Variants in RIT2 observed in about 807,000 individuals in gnomAD.
RIT2 encodes the protein GTP-binding protein Rit2.
Under a neutral mutation model 23.7 loss-of-function variants are expected in RIT2, and 24 were observed. That is an observed-to-expected ratio of 1.01 (90% CI 0.73 to 1.43). The LOEUF (loss-of-function observed/expected upper bound fraction) is 1.43, where lower values mean the gene tolerates loss of function less well. Among genes scored for constraint, RIT2 ranks in the 40% most tolerant of loss-of-function variants. RIT2 has a pLI of 0.00. For synonymous variants in RIT2, 107 were observed against 91.1 expected (o/e 1.17, Z -0.99); for missense variants, 236 against 266.9 (o/e 0.88, Z 0.81).
intron 1 of RIT2, among the ~76,000 whole-genome samples, chr18:43,065,195 C>G (rs1912741318): frequency 6.9e-6 from 1 of 144,812 alleles, no homozygotes; most frequent in South Asian, 2.2e-4. Flanking sequence ...AAGCTCTGTT[C>G]AGCTTCACTT....
Position 43,033,856 on chromosome 18 carries a change from G to T in RIT2, c.115C>A (p.Gln39Lys), listed in dbSNP as rs770344980. The T allele has an allele frequency of 3.7e-6, 6 of 1,604,344 alleles. No individual in the cohort carries two copies. Among genetic ancestry groups the T allele is most frequent in the Middle Eastern group, 1.7e-4 (1 of 6,032 alleles). The change falls in exon 2 of 5, where the codon CAG (glutamine) becomes AAG (lysine). Residue 39 changes from glutamine to lysine, a missense_variant. Gln to Lys is a moderately conservative substitution (Grantham distance 53). Coordinates refer to ENST00000326695, the MANE Select transcript of RIT2 (RefSeq NM_002930.4). ...TCAGGGAACTGATGACTAATAAACT[G>T]CATTGTCATTGCTGAAAGAAAAAAA... Reference protein sequence around the residue: ...GGVGKSAMTMQFISHQFPDYH... With the variant: ...GGVGKSAMTMKFISHQFPDYH...
intron 4 of RIT2, chr18:42,920,755 T>G: frequency 6.3e-7 from 1 of 1,593,902 alleles, no homozygotes; most frequent in East Asian, 2.2e-5. Flanking sequence ...ACTCTTTCAG[T>G]GTAGGCTGAT....
intron 2 of RIT2, among the ~76,000 whole-genome samples, chr18:42,988,521 C>T (rs1420522959): frequency 6.6e-6 from 1 of 151,670 alleles, no homozygotes; most frequent in African/African-American, 2.4e-5. Flanking sequence ...CCTTTCCGTT[C>T]AAAACATCTT....
intron 1 of RIT2, among the ~76,000 whole-genome samples, chr18:43,067,005 A>C (rs941913318): frequency 6.6e-6 from 1 of 151,796 alleles, no homozygotes; most frequent in Non-Finnish European, 1.5e-5. Context: ...GGGAAGGAAG[A>C]CATGACATAG....
At chr18:42,879,068 A>T (rs1045383558) in intron 4 of RIT2, among the ~76,000 whole-genome samples, 15 of 152,272 alleles carry the variant, frequency 9.9e-5, no homozygotes, top group African/African-American at 3.6e-4. Context: ...CAATATATTT[A>T]AATACATCAG....
At chr18:42,944,833 C>G (rs1001853133) in intron 3 of RIT2, among the ~76,000 whole-genome samples, 28 of 151,994 alleles carry the variant, frequency 1.8e-4, no homozygotes, top group African/African-American at 6.8e-4. Flanking sequence ...ACTTAAGTTC[C>G]ATTTTCCAGA....
chr18:43,113,284 T>C (rs1417158188), intron 1 of RIT2, among the ~76,000 whole-genome samples: 3 of 152,164 alleles, frequency 2.0e-5, no homozygotes, highest in Admixed American at 1.3e-4. Context: ...ATTTTCCAGG[T>C]GTGAAATTGT....
chr18:42,784,646 C>T (rs1421090977), intron 4 of RIT2, among the ~76,000 whole-genome samples: 2 of 152,108 alleles, frequency 1.3e-5, no homozygotes, highest in Admixed American at 6.6e-5. Flanking sequence ...TTTACATTCA[C>T]ACCAACTGCA....
At chr18:42,962,246 G>T (rs967084085) in intron 3 of RIT2, among the ~76,000 whole-genome samples, 35 of 152,236 alleles carry the variant, frequency 2.3e-4, no homozygotes, top group African/African-American at 8.2e-4. Context: ...ATAGCACTTT[G>T]CATTTTACTA....
chr18:42,744,446 C>G (rs16976745), intron 4 of RIT2, among the ~76,000 whole-genome samples: 3,840 of 152,208 alleles, frequency 0.025, 161 homozygotes, highest in African/African-American at 0.085. Context: ...AACTAGAAAT[C>G]AGCTCTCCAG....
chr18:42,940,269 T>TATATATATATATATATATATATGC (rs1555648056), intron 3 of RIT2, among the ~76,000 whole-genome samples: 1 of 137,988 alleles, frequency 7.2e-6, no homozygotes, highest in African/African-American at 2.7e-5. Flanking sequence ...TATATATATA[T>TATATATATATATATATATATATGC]GCACACACAC....
In RIT2 at chr18:42,743,616, T is replaced by TA; in HGVS notation, c.530dup (p.Leu177PhefsTer83). On this transcript the variant is annotated frameshift_variant, in exon 5 of 5. Transcript: ENST00000326695. LOFTEE classifies it high-confidence loss of function. ...ACTCCTTCTTGCGAATTTCCCTCACTAAGCCATGAAAAGCATCATCAATAC... is the reference window on the plus strand; with the variant it reads ...ACTCCTTCTTGCGAATTTCCCTCACTAAAGCCATGAAAAGCATCATCAATAC... 6.2e-7 allele frequency: 1 copy of TA among 1,614,004 alleles called. No homozygotes were observed. Among genetic ancestry groups the TA allele is most frequent in the Non-Finnish European group, 8.5e-7 (1 of 1,179,972 alleles).
At chr18:42,797,244 A>G (rs891858130) in intron 4 of RIT2, among the ~76,000 whole-genome samples, 2 of 152,154 alleles carry the variant, frequency 1.3e-5, no homozygotes, top group African/African-American at 4.8e-5. Flanking sequence ...AAGTCCTAAG[A>G]AAGGTCACTT....
intron 4 of RIT2, among the ~76,000 whole-genome samples, chr18:42,747,016 C>T (rs1423763378): frequency 6.6e-6 from 1 of 151,862 alleles, no homozygotes; most frequent in Non-Finnish European, 1.5e-5. Context: ...CACTCTTATC[C>T]CTCCTATTCA....
intron 4 of RIT2, among the ~76,000 whole-genome samples, chr18:42,842,961 T>G (rs1906808473): frequency 6.6e-6 from 1 of 152,188 alleles, no homozygotes. Flanking sequence ...TTTATCAGAT[T>G]CCTATTGATT....
chr18:42,772,939 G>A (rs1254779256), intron 4 of RIT2, among the ~76,000 whole-genome samples: 1 of 152,154 alleles, frequency 6.6e-6, no homozygotes, highest in Non-Finnish European at 1.5e-5. Context: ...ATGGGTCTGG[G>A]AGAAGGGTCA....
intron 4 of RIT2, among the ~76,000 whole-genome samples, chr18:42,903,224 C>A: frequency 6.6e-6 from 1 of 151,690 alleles, no homozygotes; most frequent in African/African-American, 2.4e-5. Context: ...ATAAATAAGC[C>A]AAAATAAACT....
chr18:42,929,764 C>G (rs1286610362), intron 3 of RIT2, among the ~76,000 whole-genome samples: 2 of 152,152 alleles, frequency 1.3e-5, no homozygotes, highest in East Asian at 3.9e-4. Context: ...GCAGCAATTG[C>G]CAGCTCATGA....
At chr18:42,804,224 C>T (rs113362197) in intron 4 of RIT2, among the ~76,000 whole-genome samples, 8 of 152,114 alleles carry the variant, frequency 5.3e-5, no homozygotes, top group African/African-American at 1.9e-4. Flanking sequence ...CAAGAAAGAA[C>T]ATTCACTCCA....
Sources: gnomAD v4.1 joint callset for allele counts (sites outside exome capture counted in the v4.1 genomes callset) on GRCh38, gnomAD v4.1.1 for gene constraint, MANE v1.5 for transcripts, NCBI Gene and HGNC (gene_info 2026-07-23, HGNC 2026-07-21) for gene names.